SUPT3H: variants seen among roughly 807,000 people sequenced by gnomAD.
The protein encoded by SUPT3H is SPT3 homolog, SAGA and STAGA complex component.
SUPT3H carries 44 observed loss-of-function variants against 44.3 expected under a neutral mutation model. That is an observed-to-expected ratio of 0.99 (90% CI 0.78 to 1.28). SUPT3H has a LOEUF of 1.28. Ranked by LOEUF, SUPT3H falls within the 50% of genes most tolerant of loss-of-function variation. The pLI is 0.00. For synonymous variants in SUPT3H, 124 were observed against 125.6 expected (o/e 0.99, Z 0.09); for missense variants, 380 against 387.1 (o/e 0.98, Z 0.15).
chr6:45,026,653 C>T (rs903526876), intron 3 of SUPT3H, among the ~76,000 whole-genome samples: 2 of 152,082 alleles, frequency 1.3e-5, no homozygotes, highest in African/African-American at 4.8e-5. Context: ...TGGCAATCAC[C>T]TTTAACTTTT....
At chr6:44,866,260 G>A (rs1775493071) in intron 10 of SUPT3H, among the ~76,000 whole-genome samples, 1 of 151,962 alleles carries the variant, frequency 6.6e-6, no homozygotes, top group African/African-American at 2.4e-5. Flanking sequence ...CATGACTTGA[G>A]GGGGAGGTGG....
chr6:45,261,864 A>C (rs952654460), intron 2 of SUPT3H, among the ~76,000 whole-genome samples: 1 of 152,270 alleles, frequency 6.6e-6, no homozygotes, highest in African/African-American at 2.4e-5. Flanking sequence ...AGAACTGGTA[A>C]ACAGGGTCAG....
At chr6:44,953,718 T>C (rs1358367760) in intron 8 of SUPT3H, among the ~76,000 whole-genome samples, 3 of 152,080 alleles carry the variant, frequency 2.0e-5, no homozygotes, top group Non-Finnish European at 2.9e-5. Context: ...GTCTAGGAAT[T>C]TGCTTATTTT....
intron 5 of SUPT3H, among the ~76,000 whole-genome samples, chr6:45,006,737 C>G (rs1023868616): frequency 6.6e-6 from 1 of 152,008 alleles, no homozygotes; most frequent in Non-Finnish European, 1.5e-5. Context: ...TTTACTTCAC[C>G]CCTTCTCCAT....
At chr6:45,071,002 C>T (rs1794302311) in intron 3 of SUPT3H, among the ~76,000 whole-genome samples, 1 of 151,938 alleles carries the variant, frequency 6.6e-6, no homozygotes, top group Admixed American at 6.6e-5. Context: ...GTTTGCTATA[C>T]TATTAAAATA....
intron 2 of SUPT3H, among the ~76,000 whole-genome samples, chr6:45,144,721 C>T: frequency 6.6e-6 from 1 of 151,938 alleles, no homozygotes. Context: ...AAACTCTCAC[C>T]ATTCACTGAT....
chr6:45,100,478 G>A (rs1310588898), intron 3 of SUPT3H, among the ~76,000 whole-genome samples: 1 of 146,322 alleles, frequency 6.8e-6, no homozygotes, highest in African/African-American at 2.6e-5. Flanking sequence ...GAGGCTGAGG[G>A]GGGAAATGGC....
chr6:45,025,761 T>C (rs993340798), intron 3 of SUPT3H, among the ~76,000 whole-genome samples: 4 of 151,872 alleles, frequency 2.6e-5, no homozygotes, highest in African/African-American at 9.7e-5. Flanking sequence ...TGGGCGCCTG[T>C]AGTCTCAGCT....
chr6:45,202,348 G>A, intron 2 of SUPT3H, among the ~76,000 whole-genome samples: 1 of 151,484 alleles, frequency 6.6e-6, no homozygotes, highest in Non-Finnish European at 1.5e-5. Context: ...TTCACATCCA[G>A]AATATAAAAA....
chr6:44,825,413 G>C (rs115112357), downstream of SUPT3H, among the ~76,000 whole-genome samples: 3,248 of 152,208 alleles, frequency 0.021, 74 homozygotes, highest in South Asian at 0.11. Context: ...CTTTAATATG[G>C]TCTCAGAAAT....
At chr6:44,968,954 C>A (rs577942740) in intron 6 of SUPT3H, among the ~76,000 whole-genome samples, 33 of 152,244 alleles carry the variant, frequency 2.2e-4, no homozygotes, top group African/African-American at 7.7e-4. Context: ...GTCATATGTG[C>A]CATGTACTGC....
chr6:45,251,395 G>GCA (rs70996313), intron 2 of SUPT3H, among the ~76,000 whole-genome samples: 7,324 of 144,890 alleles, frequency 0.051, 207 homozygotes, highest in East Asian at 0.097. Flanking sequence ...AAGAGAAGCT[G>GCA]CACACACACA....
chr6:45,239,615 T>C (rs1231106325), intron 2 of SUPT3H, among the ~76,000 whole-genome samples: 1 of 152,226 alleles, frequency 6.6e-6, no homozygotes, highest in Non-Finnish European at 1.5e-5. Flanking sequence ...TTTTCTCACT[T>C]TGGGCTACAT....
intron 9 of SUPT3H, among the ~76,000 whole-genome samples, chr6:44,951,008 C>T (rs1774222326): frequency 6.6e-6 from 1 of 151,968 alleles, no homozygotes; most frequent in South Asian, 2.1e-4. Context: ...CAGTCTAAGA[C>T]TCTATATAAT....
chr6:44,843,957 ACATGCAC>A (rs1771452321), intron 10 of SUPT3H, among the ~76,000 whole-genome samples: 1 of 129,988 alleles, frequency 7.7e-6, no homozygotes, highest in African/African-American at 2.8e-5. Context: ...ACACACACAC[ACATGCAC>A]AGAAAAAGAA....
At chr6:45,164,298 C>T (rs944239070) in intron 2 of SUPT3H, among the ~76,000 whole-genome samples, 1 of 152,070 alleles carries the variant, frequency 6.6e-6, no homozygotes, top group African/African-American at 2.4e-5. Flanking sequence ...AGAGACTCTA[C>T]CAGGATGAGT....
chr6:45,084,383 T>C lies in SUPT3H; in HGVS notation c.186+21539A>G, dbSNP rs1185825961. 2.6e-5 allele frequency among the ~76,000 whole-genome samples: 4 copies of C among 152,130 alleles called. No homozygotes were observed. The East Asian group carries it at 5.8e-4, about 22-fold the overall frequency. On this transcript the variant is annotated intron_variant, in intron 3 of 10. Transcript: ENST00000371459. ...AAACATACAAGCTACCAACAACATA[T>C]GAAAAAAATTTCCATATCATTCGTC...
chr6:45,038,745 T>G (rs1788067898), intron 3 of SUPT3H, among the ~76,000 whole-genome samples: 1 of 152,124 alleles, frequency 6.6e-6, no homozygotes, highest in Non-Finnish European at 1.5e-5. Context: ...GCACATAAAA[T>G]ACACATACAC....
intron 3 of SUPT3H, among the ~76,000 whole-genome samples, chr6:45,100,554 A>AAAAAAAAG (rs1798421468): frequency 1.3e-5 from 2 of 148,976 alleles, no homozygotes. Context: ...AAAAAAAAAA[A>AAAAAAAAG]AAAAAAAAAA....
Sources: allele counts gnomAD v4.1 joint callset (sites outside exome capture counted in the v4.1 genomes callset), GRCh38; gene constraint gnomAD v4.1.1; transcripts MANE v1.5; gene names NCBI Gene and HGNC (gene_info 2026-07-23, HGNC 2026-07-21).